The following DDR2 variants were observed in gnomAD, a reference collection of about 807,000 sequenced individuals.
DDR2 encodes discoidin domain receptor tyrosine kinase 2.
Under a neutral mutation model 94.9 loss-of-function variants are expected in DDR2, and 27 were observed. That is an observed-to-expected ratio of 0.28 (90% confidence interval 0.21 to 0.39). The LOEUF (loss-of-function observed/expected upper bound fraction) is 0.39, where lower values mean the gene tolerates loss of function less well. Ranked by LOEUF, DDR2 falls within the 10% of genes least tolerant of loss-of-function variation. DDR2 has a pLI of 1.00. For missense variants in DDR2, 783 were observed against 1,076.0 expected, an observed-to-expected ratio of 0.73 and a Z score of 3.81; for synonymous variants, 382 against 377.2, an observed-to-expected ratio of 1.01 and a Z score of -0.15.
rs1632311 is a variant in DDR2 at position 162,753,056 on chromosome 1, C to G, written c.83-39C>G. 1 allele frequency: 1,545,035 copies of G among 1,552,036 alleles called. 769,298 individuals are homozygous for G. The highest frequency in any genetic ancestry group is 1 in the East Asian group (44,430 of 44,432). On this transcript the variant is annotated intron_variant, in intron 3 of 17. Transcript: ENST00000367921. ...AGGGGGCTTGGAAATAAAAATAAAA[C>G]CATGTCCTCTCTTTTCTCTTTGGTT... is the stretch of plus-strand genomic sequence containing the variant.
At position 162,755,206 on chromosome 1, in the gene DDR2, G is replaced by C. The variant is rs1271526257; in HGVS notation, c.468G>C (p.Glu156Asp). ...ATGACATTTTCCTAAAGGACTTGGA[G>C]CCGCCCATTGTAGCCAGATTTGTCC... is the stretch of plus-strand genomic sequence containing the variant. ...NPYDIFLKDL[E>D]PPIVARFVRF... The change falls in exon 6 of 18, where the codon GAG (glutamate) becomes GAC (aspartate). Residue 156 changes from glutamate to aspartate, a missense_variant. This residue lies in a region of DDR2 where 519 missense variants were observed against 647.9 expected (regional missense o/e 0.80). Transcript: ENST00000367921. 1 of 1,613,970 alleles carries C rather than the reference G, an allele frequency of 6.2e-7. No individual in the cohort carries two copies. Among genetic ancestry groups the C allele is most frequent in the African/African-American group, 1.3e-5 (1 of 74,884 alleles).
At chr1:162,722,468 G>A (rs1168020381) in intron 3 of DDR2, among the ~76,000 whole-genome samples, 1 of 152,148 alleles carries the variant, frequency 6.6e-6, no homozygotes, top group Non-Finnish European at 1.5e-5. Flanking sequence ...CAGTGGGAGA[G>A]GTTATTGGAA....
At chr1:162,650,051 C>A (rs1657609063) in intron 1 of DDR2, among the ~76,000 whole-genome samples, 1 of 152,114 alleles carries the variant, frequency 6.6e-6, no homozygotes, top group Admixed American at 6.6e-5. Context: ...GCAGATGAGC[C>A]CCAACATTCT....
At chr1:162,669,214 C>A (rs576916453) in intron 2 of DDR2, among the ~76,000 whole-genome samples, 3 of 152,252 alleles carry the variant, frequency 2.0e-5, no homozygotes, top group Non-Finnish European at 4.4e-5. Context: ...TCAATGTAAG[C>A]AACTTATTAA....
At chr1:162,631,183 TGTGTGTGTGTG>T (rs1656542011), upstream of DDR2, among the ~76,000 whole-genome samples, 1 of 1,412 alleles carries the variant, frequency 7.1e-4, no homozygotes, top group Admixed American at 0.013. Context: ...CCACCCTCAT[TGTGTGTGTGTG>T]TGTGTGTGTG....
chr1:162,676,275 G>A (rs1011983562), intron 2 of DDR2, among the ~76,000 whole-genome samples: 1 of 151,984 alleles, frequency 6.6e-6, no homozygotes, highest in Non-Finnish European at 1.5e-5. Context: ...AGAACAGCTC[G>A]GCCTTGTAAT....
chr1:162,635,130 A>T (rs1656748752), intron 1 of DDR2, among the ~76,000 whole-genome samples: 2 of 152,180 alleles, frequency 1.3e-5, no homozygotes, highest in Non-Finnish European at 2.9e-5. Flanking sequence ...GTCCAAGCAC[A>T]GGACCTTATC....
chr1:162,673,759 A>AAACAT (rs1658998296), intron 2 of DDR2, among the ~76,000 whole-genome samples: 1 of 152,050 alleles, frequency 6.6e-6, no homozygotes, highest in Non-Finnish European at 1.5e-5. Flanking sequence ...AAACAAAACA[A>AAACAT]AAAAACCGAC....
chr1:162,705,648 C>T (rs976675260), intron 2 of DDR2, among the ~76,000 whole-genome samples: 6 of 151,992 alleles, frequency 3.9e-5, no homozygotes, highest in Admixed American at 6.6e-5. Context: ...ATTCCAGCCT[C>T]GTTGTTGGAA....
At position 162,758,813 on chromosome 1, in the gene DDR2, G is replaced by T. The variant is rs182028132; in HGVS notation, c.672-983G>T. 5.2e-4 allele frequency among the ~76,000 whole-genome samples: 79 copies of T among 152,272 alleles called. 1 individual carries two copies. The highest frequency in any genetic ancestry group is 1.9e-3 in the African/African-American group (77 of 41,550). The stretch of plus-strand genomic sequence containing the variant: ...GGGTCACACCAATTATTGCTTGAGG[G>T]TGAGTATCCCAATCTCGTCATTTGG... On this transcript the variant is annotated intron_variant, in intron 7 of 17. Transcript: ENST00000367921.
chr1:162,728,116 G>T (rs1024455252), intron 3 of DDR2, among the ~76,000 whole-genome samples: 30 of 134,354 alleles, frequency 2.2e-4, no homozygotes, highest in Admixed American at 7.8e-4. Flanking sequence ...TCTATATATA[G>T]ATATAATCAC....
rs1647920074 is a variant in DDR2, at chr1:162,781,791, G to A, written c.*1545G>A. 1 of 152,122 alleles carries A rather than the reference G, an allele frequency of 6.6e-6. No individual in the cohort carries two copies. The highest frequency in any genetic ancestry group is 6.5e-5 in the Admixed American group (1 of 15,276). 9.4% of individuals were successfully genotyped at this position (152,122 alleles called of 1,614,324 possible). On this transcript the variant is annotated 3_prime_UTR_variant, in exon 18 of 18. Transcript: ENST00000367921. Reference sequence around the variant, plus strand: ...AATCCTCAGATTTAGTGGGAAGCTGGAAAAAGGAACTCTTAATTCCAATTG... The same window carrying A: ...AATCCTCAGATTTAGTGGGAAGCTGAAAAAAGGAACTCTTAATTCCAATTG...
intron 1 of DDR2, among the ~76,000 whole-genome samples, chr1:162,640,027 G>A (rs1005710321): frequency 6.6e-6 from 1 of 151,776 alleles, no homozygotes; most frequent in Non-Finnish European, 1.5e-5. Flanking sequence ...GACAAACAAT[G>A]TACTTTGGGT....
At chr1:162,769,460 T>C (rs1368374449) in intron 11 of DDR2, among the ~76,000 whole-genome samples, 3 of 152,224 alleles carry the variant, frequency 2.0e-5, no homozygotes, top group South Asian at 2.1e-4. Flanking sequence ...CCACATATAT[T>C]GAGTACCTAC....
chr1:162,720,974 C>G (rs149015267), intron 3 of DDR2, among the ~76,000 whole-genome samples: 51 of 152,256 alleles, frequency 3.3e-4, no homozygotes, highest in Non-Finnish European at 5.9e-4. Flanking sequence ...TGAAGGAGCC[C>G]AGTGCCTTGT....
At chr1:162,660,563 C>T (rs1558011085) in intron 2 of DDR2, among the ~76,000 whole-genome samples, 1 of 152,202 alleles carries the variant, frequency 6.6e-6, no homozygotes, top group Admixed American at 6.5e-5. Context: ...AATGTATACA[C>T]ATCACCTAGG....
intron 16 of DDR2, among the ~76,000 whole-genome samples, chr1:162,776,795 C>T (rs1035643776): frequency 6.6e-6 from 1 of 152,002 alleles, no homozygotes; most frequent in Admixed American, 6.6e-5. Flanking sequence ...TCAACATGTT[C>T]TTTTTAAGTT....
chr1:162,665,882 T>C (rs1658526172), intron 2 of DDR2, among the ~76,000 whole-genome samples: 1 of 152,178 alleles, frequency 6.6e-6, no homozygotes. Context: ...TTATTTTGAG[T>C]CAGAGGATTT....
intron 3 of DDR2, among the ~76,000 whole-genome samples, chr1:162,746,014 G>A (rs1162870688): frequency 6.6e-6 from 1 of 152,084 alleles, no homozygotes; most frequent in East Asian, 1.9e-4. Flanking sequence ...TTTGTTAGAT[G>A]GCTGAATAGG....
Sources: gnomAD v4.1 joint callset for allele counts (sites outside exome capture counted in the v4.1 genomes callset) on GRCh38, gnomAD v4.1.1 for gene constraint, gnomAD v4.1.1 regional missense constraint, MANE v1.5 for transcripts, NCBI Gene and HGNC (gene_info 2026-07-23, HGNC 2026-07-21) for gene names.